Variants in PRKAA1 observed in about 807,000 individuals in gnomAD.
PRKAA1 encodes protein kinase AMP-activated catalytic subunit alpha 1, also known as 5'-AMP-activated protein kinase catalytic subunit alpha-1.
PRKAA1 carries 23 observed loss-of-function variants against 56.9 expected under a neutral mutation model. That is an observed-to-expected ratio of 0.40 (90% CI 0.29 to 0.57). PRKAA1 has a LOEUF of 0.57. PRKAA1 is among the 20% of genes least tolerant of loss of function. The probability of loss-of-function intolerance (pLI) is 0.39; values close to 1 mark genes in which losing one functional copy is unlikely to be tolerated. For missense variants in PRKAA1, 413 were observed against 679.7 expected, an observed-to-expected ratio of 0.61 and a Z score of 4.36; for synonymous variants, 226 against 227.0, an observed-to-expected ratio of 1.00 and a Z score of 0.04.
Position 40,764,616 on chromosome 5 carries a change from C to T in PRKAA1, c.1333G>A (p.Val445Ile), listed in dbSNP as rs2111978362. ...WKVVNPYYLR[V>I]RRKNPVTSTY... ...CTTGTCACAGGATTCTTCCTTCGTA[C>T]ACGCAAATAATATGGGTTTACAACC... The change falls in exon 8 of 9, where the codon GTA becomes ATA. Residue 445 changes from valine to isoleucine, a missense_variant. By Grantham distance (29) the Val-to-Ile change is conservative. Coordinates refer to ENST00000397128, the MANE Select transcript of PRKAA1 (RefSeq NM_006251.6). The T allele has an allele frequency of 6.2e-7, 1 of 1,613,984 alleles. No individual in the cohort carries two copies. Among genetic ancestry groups the T allele is most frequent in the Non-Finnish European group, 8.5e-7 (1 of 1,179,930 alleles).
intron 4 of PRKAA1, among the ~76,000 whole-genome samples, chr5:40,770,295 T>G (rs1250797264): frequency 6.6e-6 from 1 of 151,628 alleles, no homozygotes; most frequent in Non-Finnish European, 1.5e-5. Context: ...ATTCCCCATC[T>G]CCACCAAAAA....
intron 1 of PRKAA1, among the ~76,000 whole-genome samples, chr5:40,783,792 T>C (rs1444164551): frequency 1.3e-5 from 2 of 151,970 alleles, no homozygotes; most frequent in Non-Finnish European, 2.9e-5. Flanking sequence ...AAAAAAACAA[T>C]TGGAAGTAGT....
intron 8 of PRKAA1, chr5:40,764,257 C>T: frequency 3.9e-6 from 1 of 255,104 alleles, no homozygotes; most frequent in Non-Finnish European, 7.3e-6. Context: ...CAGCAGAAAA[C>T]TATCACCTTA....
intron 5 of PRKAA1, chr5:40,769,064 A>T (rs1743603206): frequency 7.2e-6 from 5 of 695,042 alleles, no homozygotes; most frequent in African/African-American, 1.9e-5. Context: ...AAAAAATTAA[A>T]GCTACACATT....
chr5:40,772,339 G>A (rs1375470560), intron 3 of PRKAA1, among the ~76,000 whole-genome samples: 1 of 152,138 alleles, frequency 6.6e-6, no homozygotes, highest in Non-Finnish European at 1.5e-5. Context: ...TAGTCAGAAG[G>A]AGTGATACTG....
intron 1 of PRKAA1, among the ~76,000 whole-genome samples, chr5:40,792,620 A>C (rs1315171189): frequency 2.0e-5 from 3 of 152,202 alleles, no homozygotes; most frequent in Middle Eastern, 3.2e-3. Context: ...TCGAGGTCTA[A>C]CCTTATATTT....
intron 4 of PRKAA1, 86 bp from the exon 5 acceptor site, chr5:40,769,589 T>A: frequency 9.4e-7 from 1 of 1,063,452 alleles, no homozygotes; most frequent in Non-Finnish European, 1.4e-6. Flanking sequence ...GAGTTTGCAT[T>A]AAAATGATAA....
chr5:40,775,527 C>T, intron 2 of PRKAA1, 24 bp from the exon 3 acceptor site: 1 of 1,484,460 alleles, frequency 6.7e-7, no homozygotes, highest in Non-Finnish European at 9.4e-7. Context: ...ACATTGTCTA[C>T]AAATATTAAA....
In PRKAA1 at chr5:40,777,604, T is replaced by G; in HGVS notation, c.128-18A>C. 1 of 1,585,390 alleles carries G rather than the reference T, an allele frequency of 6.3e-7. No individual in the cohort carries two copies. On this transcript the variant is annotated intron_variant, in intron 1 of 8. Coordinates refer to ENST00000397128, the MANE Select transcript of PRKAA1 (RefSeq NM_006251.6). The stretch of plus-strand genomic sequence containing the variant: ...TTTGCCAACTGTAAAAGAAGTAATT[T>G]AATAAATTAGTACTAAGTATGATTA...
chr5:40,786,030 A>C (rs1744467848), intron 1 of PRKAA1, among the ~76,000 whole-genome samples: 1 of 152,028 alleles, frequency 6.6e-6, no homozygotes, highest in South Asian at 2.1e-4. Flanking sequence ...CGAGGCGGGG[A>C]GATCACCTGA....
At chr5:40,770,492 G>C (rs1171450689) in intron 4 of PRKAA1, among the ~76,000 whole-genome samples, 1 of 150,934 alleles carries the variant, frequency 6.6e-6, no homozygotes, top group Admixed American at 6.6e-5. Context: ...AAAGTTATCT[G>C]ATTTGAACTA....
At chr5:40,766,741 G>A (rs954153513) in intron 6 of PRKAA1, among the ~76,000 whole-genome samples, 22 of 152,148 alleles carry the variant, frequency 1.4e-4, no homozygotes, top group Non-Finnish European at 1.9e-4. Flanking sequence ...GCTCACACCT[G>A]TAATCCCAAC....
At chr5:40,769,030 G>A (rs761276967) in intron 5 of PRKAA1, 5 of 917,784 alleles carry the variant, frequency 5.4e-6, no homozygotes, top group Admixed American at 3.0e-5. Context: ...GAAACATAAA[G>A]GTACTACAAA....
At chr5:40,766,116 T>C (rs1454046444) in intron 6 of PRKAA1, among the ~76,000 whole-genome samples, 2 of 152,216 alleles carry the variant, frequency 1.3e-5, no homozygotes, top group African/African-American at 4.8e-5. Context: ...ATTTCTTACC[T>C]AGATATCTTA....
chr5:40,775,622 G>T, intron 2 of PRKAA1, 119 bp from the exon 3 acceptor site: 1 of 734,140 alleles, frequency 1.4e-6, no homozygotes, highest in Non-Finnish European at 2.2e-6. Flanking sequence ...AAAACTGCAG[G>T]AAACAAAAAT....
intron 6 of PRKAA1, among the ~76,000 whole-genome samples, chr5:40,765,992 G>C (rs1323921596): frequency 6.6e-6 from 1 of 151,542 alleles, no homozygotes; most frequent in South Asian, 2.1e-4. Flanking sequence ...CTGGGTCATG[G>C]GATTAAAGAT....
chr5:40,782,102 G>A (rs1338584354), intron 1 of PRKAA1, among the ~76,000 whole-genome samples: 1 of 152,252 alleles, frequency 6.6e-6, no homozygotes. Flanking sequence ...CTGGGAAATA[G>A]CCACAATACT....
chr5:40,795,008 T>TACACACACAC (rs201435537), intron 1 of PRKAA1, among the ~76,000 whole-genome samples: 6 of 149,948 alleles, frequency 4.0e-5, no homozygotes, highest in African/African-American at 1.5e-4. Context: ...TACATATATA[T>TACACACACAC]ACACACACAC....
rs778856933 is a variant in PRKAA1 at position 40,798,157 on chromosome 5, C to G, written c.33G>C (p.Ala11=). The change falls in exon 1 of 9, where the codon GCG becomes GCC. Residue 11 remains alanine (A), a synonymous_variant. Coordinates refer to ENST00000397128, the MANE Select transcript of PRKAA1 (RefSeq NM_006251.6). MRRLSSWRKM[A]TAEKQKHDGR... is the part of the protein sequence containing the mutation. ...CGTCGTGTTTCTGCTTCTCGGCTGTCGCCATCTTTCTCCAGGAACTGAGTC... is the reference window on the plus strand; with the variant it reads ...CGTCGTGTTTCTGCTTCTCGGCTGTGGCCATCTTTCTCCAGGAACTGAGTC... 3.1e-6 allele frequency: 5 copies of G among 1,596,818 alleles called. No individual in the cohort carries two copies. The highest frequency in any genetic ancestry group is 4.3e-6 in the Non-Finnish European group (5 of 1,170,952).
Sources: allele counts gnomAD v4.1 joint callset (sites outside exome capture counted in the v4.1 genomes callset), GRCh38; gene constraint gnomAD v4.1.1; transcripts MANE v1.5; gene names NCBI Gene and HGNC (gene_info 2026-07-23, HGNC 2026-07-21).